The following TNP2 variants were observed in gnomAD, a reference collection of about 807,000 sequenced individuals.
The protein encoded by TNP2 is transition protein 2, also known as nuclear transition protein 2.
Under a neutral mutation model 8.5 loss-of-function variants are expected in TNP2, and 10 were observed. That is an observed-to-expected ratio of 1.17 (90% CI 0.72 to 1.99). The LOEUF (loss-of-function observed/expected upper bound fraction) is 1.99. Ranked by LOEUF, TNP2 falls within the 30% of genes most tolerant of loss-of-function variation. The pLI, the probability that TNP2 is intolerant of heterozygous loss-of-function variation, is 0.00. For synonymous variants in TNP2, 80 were observed against 62.3 expected, an observed-to-expected ratio of 1.28 and a Z score of -1.34; for missense variants, 222 against 181.2, an observed-to-expected ratio of 1.23 and a Z score of -1.29.
intron 1 of TNP2, 189 bp downstream of exon 1, chr16:11,268,674 A>C: frequency 3.4e-6 from 2 of 583,584 alleles, no homozygotes; most frequent in South Asian, 3.3e-5. Flanking sequence ...AACCCATCCA[A>C]TTTCAAAGAG....
At position 11,268,962 on chromosome 16, in the gene TNP2, G is replaced by A. The variant is rs34904070; in HGVS notation, c.301C>T (p.Arg101Cys). The A allele has an allele frequency of 7.3e-3, 11,778 of 1,613,752 alleles. 189 individuals are homozygous for A. Among genetic ancestry groups the A allele is most frequent in the Middle Eastern group, 0.056 (337 of 6,058 alleles). The change falls in exon 1 of 2, where the codon CGC becomes TGC. Residue 101 changes from arginine to cysteine, a missense_variant. Transcript: ENST00000312693. ...SPMRPTILHC[R>C]CPKNRKNLEG... The stretch of plus-strand genomic sequence containing the variant: ...AAGTTCTTTCTGTTCTTGGGGCAGC[G>A]GCAGTGCAGGATGGTGGGCCGCATG...
rs71383203 is a variant in TNP2, at chr16:11,269,146, C to G, written c.117G>C (p.Gln39His). The change falls in exon 1 of 2, where the codon CAG becomes CAC. Residue 39 changes from glutamine to histidine, a missense_variant. Transcript: ENST00000312693. ...HCQTFSQSCR[Q>H]SHRGSRSQSS... ...TCTGGCTCCGGCTGCCACGATGGCT[C>G]TGTCTGCAACTCTGGCTGAAGGTTT... The G allele has an allele frequency of 0.016, 25,137 of 1,613,912 alleles. 275 individuals are homozygous for G. Among genetic ancestry groups the G allele is most frequent in the Non-Finnish European group, 0.019 (22,303 of 1,179,898 alleles).
In TNP2 at chr16:11,267,915, T is replaced by C; in HGVS notation, c.*81A>G. 1 of 1,458,818 alleles carries C rather than the reference T, an allele frequency of 6.9e-7. No homozygotes were observed. The highest frequency in any genetic ancestry group is 1.2e-5 in the South Asian group (1 of 82,538). The allele number at this position is 1,458,818 out of a possible 1,614,324, so 90.4% of individuals were successfully genotyped here. On this transcript the variant is annotated 3_prime_UTR_variant, in exon 2 of 2. Coordinates refer to ENST00000312693, the MANE Select transcript of TNP2 (RefSeq NM_005425.5). Reference sequence around the variant, plus strand: ...CGTAGAAATCACCATAGTAACATGTTCCTGCAAGAAGATTGACTTCATCCT... The same window carrying C: ...CGTAGAAATCACCATAGTAACATGTCCCTGCAAGAAGATTGACTTCATCCT...
At position 11,268,939 on chromosome 16, in the gene TNP2, G is replaced by T; in HGVS notation, c.324C>A (p.Asn108Lys). ...LHCRCPKNRK[N>K]LEGKLKKKKM... ...TTTTCTTTTTCAGCTTGCCTTCCAAGTTCTTTCTGTTCTTGGGGCAGCGGC... is the reference window on the plus strand; with the variant it reads ...TTTTCTTTTTCAGCTTGCCTTCCAATTTCTTTCTGTTCTTGGGGCAGCGGC... The change falls in exon 1 of 2, where the codon AAC (asparagine) becomes AAA (lysine). Residue 108 changes from asparagine (N) to lysine (K), a missense_variant. By Grantham distance (94) the Asn-to-Lys change is moderately conservative (BLOSUM62 0). Transcript: ENST00000312693. The T allele has an allele frequency of 6.2e-7, 1 of 1,610,812 alleles. No homozygotes were observed. Among genetic ancestry groups the T allele is most frequent in the Non-Finnish European group, 8.5e-7 (1 of 1,179,076 alleles).
rs2069755961 is a variant in TNP2 at position 11,269,292 on chromosome 16, C to T, written c.-30G>A. The T allele has an allele frequency of 6.4e-7, 1 of 1,574,764 alleles. No individual in the cohort carries two copies. The highest frequency in any genetic ancestry group is 2.2e-5 in the East Asian group (1 of 44,698). The stretch of plus-strand genomic sequence containing the variant: ...GGCCACGTTTGGAGGGGCAGGGCCT[C>T]CTCCTCATCCTCTCCCAGCAGGCCT... On this transcript the variant is annotated 5_prime_UTR_variant, in exon 1 of 2. Coordinates refer to ENST00000312693, the MANE Select transcript of TNP2 (RefSeq NM_005425.5).
intron 1 of TNP2, 189 bp downstream of exon 1, chr16:11,268,674 A>G (rs935446767): frequency 1.7e-6 from 1 of 583,590 alleles, no homozygotes; most frequent in Non-Finnish European, 2.8e-6. Context: ...AACCCATCCA[A>G]TTTCAAAGAG....
Position 11,269,107 on chromosome 16 carries a change from G to GCTCT in TNP2, c.152_155dup (p.Ser52ArgfsTer26). On this transcript the variant is annotated frameshift_variant, in exon 1 of 2. Transcript: ENST00000312693. LOFTEE classifies it high-confidence loss of function. ...CAGTTGGGTTGCGGTGGCTGGCCGG[G>GCTCT]CTCTGGCTGGAGCTCTGGCTCCGGC... The GCTCT allele has an allele frequency of 1.2e-6, 2 of 1,613,988 alleles. No homozygotes were observed. Among genetic ancestry groups the GCTCT allele is most frequent in the African/African-American group, 2.7e-5 (2 of 75,030 alleles).
chr16:11,268,636 A>C lies in TNP2; in HGVS notation c.400+227T>G, dbSNP rs141610706. ...CATGCTTTCATCTAGCTTATCTGCTATCTGTCCATCTTTCCATCCTCCTAA... is the reference window on the plus strand; with the variant it reads ...CATGCTTTCATCTAGCTTATCTGCTCTCTGTCCATCTTTCCATCCTCCTAA... On this transcript the variant is annotated intron_variant, in intron 1 of 1. Coordinates refer to ENST00000312693, the MANE Select transcript of TNP2 (RefSeq NM_005425.5). The C allele has an allele frequency of 5.6e-4, 277 of 495,336 alleles. 1 individual carries two copies. The highest frequency in any genetic ancestry group is 4.7e-3 in the African/African-American group (241 of 51,182). The allele number at this position is 495,336 out of a possible 1,614,324, so 30.7% of individuals were successfully genotyped here.
intron 1 of TNP2, chr16:11,268,303 G>C (rs1158220167): frequency 5.2e-6 from 2 of 383,374 alleles, no homozygotes; most frequent in African/African-American, 4.1e-5. Flanking sequence ...TCTTCTCTCT[G>C]TTTATTCAAT....
intron 1 of TNP2, chr16:11,268,273 C>T: frequency 2.2e-6 from 1 of 447,216 alleles, no homozygotes; most frequent in South Asian, 2.7e-5. Context: ...CCATTCTATC[C>T]CATTAGTCTA....
At chr16:11,268,168 A>G (rs192044465) in intron 1 of TNP2, 156 bp from the exon 2 acceptor site, 267 of 620,614 alleles carry the variant, frequency 4.3e-4, no homozygotes, top group Middle Eastern at 7.5e-4. Flanking sequence ...CTTTTGACCT[A>G]TGTGAATCCA....
At chr16:11,268,791 C>G in intron 1 of TNP2, 72 bp downstream of exon 1, 3 of 1,464,294 alleles carry the variant, frequency 2.0e-6, no homozygotes, top group Non-Finnish European at 2.7e-6. Flanking sequence ...CAGCCTTCCT[C>G]TCACTGCCCC....
rs2069745234 is a variant in TNP2 at position 11,268,847 on chromosome 16, C to T, written c.400+16G>A. ...CTGTGGGCTCGGTGGCCCTTCCCCACCTCCTTAAAGGGTACCTGAGCTCCG... is the reference window on the plus strand; with the variant it reads ...CTGTGGGCTCGGTGGCCCTTCCCCATCTCCTTAAAGGGTACCTGAGCTCCG... On this transcript the variant is annotated intron_variant, in intron 1 of 1. Coordinates refer to ENST00000312693, the MANE Select transcript of TNP2 (RefSeq NM_005425.5). 6.5e-7 allele frequency: 1 copy of T among 1,532,574 alleles called. No homozygotes were observed. The allele number at this position is 1,532,574 out of a possible 1,614,324, so 94.9% of individuals were successfully genotyped here.
At chr16:11,268,601 C>G in intron 1 of TNP2, 1 of 454,546 alleles carries the variant, frequency 2.2e-6, no homozygotes. Flanking sequence ...CCCAACCTCT[C>G]AACTCCATTC....
At chr16:11,268,336 A>G in intron 1 of TNP2, 1 of 290,688 alleles carries the variant, frequency 3.4e-6, no homozygotes, top group East Asian at 6.3e-5. Flanking sequence ...CTCTATTAAG[A>G]TAATATTTAA....
At position 11,267,948 on chromosome 16, in the gene TNP2, T is replaced by A; in HGVS notation, c.*48A>T. On this transcript the variant is annotated 3_prime_UTR_variant, in exon 2 of 2. Coordinates refer to ENST00000312693, the MANE Select transcript of TNP2 (RefSeq NM_005425.5). ...GAAGATTGACTTCATCCTAGCATTT[T>A]CTCCTTTGGGTGAAACACGCAGGAA... 1 of 1,598,654 alleles carries A rather than the reference T, an allele frequency of 6.3e-7. No individual in the cohort carries two copies. The highest frequency in any genetic ancestry group is 8.5e-7 in the Non-Finnish European group (1 of 1,170,678).
intron 1 of TNP2, chr16:11,268,411 C>G (rs2069737832): frequency 1.0e-5 from 3 of 292,260 alleles, no homozygotes; most frequent in East Asian, 5.9e-5. Context: ...AATTCATCCA[C>G]CAACCACAAT....
chr16:11,268,080 ACCT>A, intron 1 of TNP2, 68 bp from the exon 2 acceptor site: 1 of 1,496,022 alleles, frequency 6.7e-7, no homozygotes, highest in Admixed American at 1.7e-5. Context: ...GACCTCCTTG[ACCT>A]CCTGTAAGGT....
chr16:11,269,277 G>A lies in TNP2; in HGVS notation c.-15C>T. 1.9e-6 allele frequency: 3 copies of A among 1,590,452 alleles called. No individual in the cohort carries two copies. Among genetic ancestry groups the A allele is most frequent in the Non-Finnish European group, 2.6e-6 (3 of 1,174,072 alleles). On this transcript the variant is annotated 5_prime_UTR_variant, in exon 1 of 2. Transcript: ENST00000312693. ...TGGGTGTCCATAGGAGGCCACGTTT[G>A]GAGGGGCAGGGCCTCCTCCTCATCC...
Sources: gnomAD v4.1 joint callset for allele counts on GRCh38, gnomAD v4.1.1 for gene constraint, MANE v1.5 for transcripts, NCBI Gene and HGNC (gene_info 2026-07-23, HGNC 2026-07-21) for gene names.